Variants in RNASEH2B observed in about 807,000 individuals in gnomAD.
RNASEH2B encodes the protein Aicardi-Goutieres syndrome 2 protein.
RNASEH2B carries 36 observed loss-of-function variants against 45.0 expected under a neutral mutation model. That is an observed-to-expected ratio of 0.80 (90% CI 0.61 to 1.06). The LOEUF is 1.06. Ranked by LOEUF, RNASEH2B falls within the 50% of genes least tolerant of loss-of-function variation. RNASEH2B has a pLI of 0.00. For missense variants in RNASEH2B, 361 were observed against 360.3 expected (o/e 1.00, Z -0.02); for synonymous variants, 119 against 125.7 (o/e 0.95, Z 0.35).
chr13:50,915,608 G>A, intron 1 of RNASEH2B: 1 of 397,064 alleles, frequency 2.5e-6, no homozygotes, highest in Non-Finnish European at 4.4e-6. Flanking sequence ...TTTTCCCTGA[G>A]TGGCCATTTC....
chr13:50,927,921 T>G (rs1182920917), intron 2 of RNASEH2B, among the ~76,000 whole-genome samples: 3 of 151,790 alleles, frequency 2.0e-5, no homozygotes, highest in Non-Finnish European at 4.4e-5. Context: ...TTTGATTAGG[T>G]TCAGTTTTAG....
intron 1 of RNASEH2B, among the ~76,000 whole-genome samples, chr13:50,919,074 A>G (rs182884393): frequency 1.2e-4 from 18 of 152,352 alleles, no homozygotes; most frequent in African/African-American, 4.3e-4. Flanking sequence ...AGGCTCAGGA[A>G]CAAGTGTCCA....
At chr13:50,917,148 GA>G (rs1324422851) in intron 1 of RNASEH2B, among the ~76,000 whole-genome samples, 4 of 152,176 alleles carry the variant, frequency 2.6e-5, no homozygotes, top group Non-Finnish European at 4.4e-5. Context: ...TGTAGCCAGG[GA>G]GGGGCAGGCT....
chr13:50,954,032 G>A (rs1304179946), intron 10 of RNASEH2B, 47 bp downstream of exon 10: 1 of 1,134,468 alleles, frequency 8.8e-7, no homozygotes, highest in African/African-American at 1.5e-5. Context: ...CTCAGTGCGT[G>A]ATGTGCATGA....
chr13:50,944,696 C>T (rs1187042148), intron 6 of RNASEH2B, among the ~76,000 whole-genome samples: 1 of 151,948 alleles, frequency 6.6e-6, no homozygotes, highest in African/African-American at 2.4e-5. Flanking sequence ...TCATTGAAAG[C>T]CTGGGAAGCT....
At chr13:50,942,956 GCCATTGCT>G in intron 5 of RNASEH2B, 1 of 228,464 alleles carries the variant, frequency 4.4e-6, no homozygotes, top group Non-Finnish European at 8.5e-6. Flanking sequence ...TGAGTGTGGA[GCCATTGCT>G]AGGGACCGGC....
chr13:50,961,952 C>A (rs1441827031), intron 9 of RNASEH2B, among the ~76,000 whole-genome samples: 1 of 152,056 alleles, frequency 6.6e-6, no homozygotes, highest in Non-Finnish European at 1.5e-5. Flanking sequence ...CTGAGATGAT[C>A]AAGTAGTTTT....
At chr13:50,913,478 A>G (rs1879547694) in intron 1 of RNASEH2B, among the ~76,000 whole-genome samples, 2 of 151,582 alleles carry the variant, frequency 1.3e-5, no homozygotes, top group South Asian at 4.2e-4. Flanking sequence ...AAACCCTAAC[A>G]TTGTGTATTG....
rs114696739 is a variant in RNASEH2B, at chr13:50,927,040, T to C, written c.65-367T>C. The C allele has an allele frequency of 5.9e-3, 1,439 of 243,608 alleles. 19 individuals carry two copies. The highest frequency in any genetic ancestry group is 0.031 in the African/African-American group (1,353 of 43,538). The allele number at this position is 243,608 out of a possible 1,614,324, so 15.1% of individuals were successfully genotyped here. A position where few individuals can be genotyped will look rare whatever the true frequency, so the allele number is the denominator to read the frequency against. On this transcript the variant is annotated intron_variant, in intron 1 of 10. Transcript: ENST00000336617. ...GTTTTCAGTAGATTGGCTAATTTGA[T>C]ACTTTGAAAAACAAGTATACTATTA...
At chr13:50,954,667 C>T (rs1431409810) in intron 10 of RNASEH2B, 1 of 152,068 alleles carries the variant, frequency 6.6e-6, no homozygotes, top group African/African-American at 2.4e-5. Context: ...TTCTTATTTA[C>T]AGTCTGTATC....
chr13:50,913,622 C>T (rs1052914115), intron 1 of RNASEH2B, among the ~76,000 whole-genome samples: 13 of 152,116 alleles, frequency 8.5e-5, no homozygotes, highest in African/African-American at 1.4e-4. Context: ...CACCTCAACT[C>T]GAATTTTCAG....
intron 5 of RNASEH2B, chr13:50,936,490 T>C (rs1310981265): frequency 4.6e-5 from 7 of 152,172 alleles, no homozygotes; most frequent in Non-Finnish European, 1.0e-4. Flanking sequence ...CACTTGGAGC[T>C]CCAGTTTGGA....
chr13:50,930,864 A>G (rs1566080862), intron 4 of RNASEH2B, 105 bp downstream of exon 4: 2 of 882,232 alleles, frequency 2.3e-6, no homozygotes, highest in Non-Finnish European at 3.9e-6. Context: ...TTCTACCTTC[A>G]GATCTATTAT....
chr13:50,934,944 G>A lies in RNASEH2B; in HGVS notation c.381G>A (p.Leu127=). ...ATAACGTGTTTCCAAATTGCATCTT[G>A]TTGCTGAAACTTCCTGGACTTGAGA... The part of the protein sequence containing the change: ...VVDNVFPNCI[L]LLKLPGLEKL... The change falls in exon 5 of 11, where the codon TTG becomes TTA. Residue 127 remains leucine (L), a synonymous_variant. Coordinates refer to ENST00000336617, the MANE Select transcript of RNASEH2B (RefSeq NM_024570.4). The A allele has an allele frequency of 6.2e-7, 1 of 1,614,052 alleles. No individual in the cohort carries two copies. Among genetic ancestry groups the A allele is most frequent in the Non-Finnish European group, 8.5e-7 (1 of 1,179,946 alleles).
At chr13:50,955,657 C>T (rs7317618) in intron 10 of RNASEH2B, 57,200 of 151,998 alleles carry the variant, frequency 0.38, 12,064 homozygotes, top group African/African-American at 0.57. Flanking sequence ...TTTTTGTTTT[C>T]TGATTCCCAT....
intron 6 of RNASEH2B, among the ~76,000 whole-genome samples, chr13:50,944,069 T>C (rs1951867365): frequency 6.9e-6 from 1 of 145,220 alleles, no homozygotes; most frequent in South Asian, 2.2e-4. Context: ...TGGGACGGGA[T>C]GGGATGGGAT....
intron 9 of RNASEH2B, among the ~76,000 whole-genome samples, chr13:50,967,093 A>G (rs561358221): frequency 1.3e-5 from 2 of 152,138 alleles, no homozygotes; most frequent in African/African-American, 4.8e-5. Context: ...TATCATCAAG[A>G]TTTTTTATGT....
intron 1 of RNASEH2B, among the ~76,000 whole-genome samples, chr13:50,926,626 T>C (rs1951600335): frequency 6.6e-6 from 1 of 152,156 alleles, no homozygotes; most frequent in Non-Finnish European, 1.5e-5. Flanking sequence ...GTTAAAAATA[T>C]AATTTCTAAA....
At chr13:50,934,803 T>G in intron 4 of RNASEH2B, 82 bp from the exon 5 acceptor site, 51 of 932,838 alleles carry the variant, frequency 5.5e-5, no homozygotes, top group Middle Eastern at 2.5e-4. Flanking sequence ...GGCCCAGCCA[T>G]GAGTTAATGT....
Sources: gnomAD v4.1 joint callset for allele counts (sites outside exome capture counted in the v4.1 genomes callset) on GRCh38, gnomAD v4.1.1 for gene constraint, MANE v1.5 for transcripts, NCBI Gene and HGNC (gene_info 2026-07-23, HGNC 2026-07-21) for gene names.